SCTR: variants seen among roughly 807,000 people sequenced by gnomAD.
SCTR encodes the protein secretin receptor.
SCTR carries 56 observed loss-of-function variants against 60.8 expected under a neutral mutation model. The ratio of observed to expected loss-of-function variants is 0.92; its 90% CI spans 0.74 to 1.15. SCTR has a LOEUF of 1.15. Among genes scored for constraint, SCTR ranks in the 50% most tolerant of loss-of-function variants. The pLI is 0.00. For synonymous variants in SCTR, 202 were observed against 217.0 expected (o/e 0.93, Z 0.61); for missense variants, 562 against 550.4 (o/e 1.02, Z -0.21).
chr2:119,502,751 A>G (rs1012685275), intron 1 of SCTR, among the ~76,000 whole-genome samples: 6 of 151,600 alleles, frequency 4.0e-5, no homozygotes, highest in African/African-American at 9.7e-5. Context: ...CAGTGCTTAG[A>G]GAGGCTGAGG....
intron 2 of SCTR, among the ~76,000 whole-genome samples, chr2:119,490,470 G>A (rs1037570771): frequency 5.9e-5 from 9 of 152,298 alleles, no homozygotes; most frequent in South Asian, 2.1e-4. Context: ...CCGCCTATGC[G>A]GAGGTTTATC....
intron 6 of SCTR, among the ~76,000 whole-genome samples, chr2:119,462,478 A>C (rs559592262): frequency 5.9e-5 from 9 of 152,360 alleles, no homozygotes; most frequent in African/African-American, 1.9e-4. Context: ...GGTACCACTG[A>C]TTATGGTAAA....
At chr2:119,489,561 G>C (rs1678035065) in intron 2 of SCTR, among the ~76,000 whole-genome samples, 1 of 152,218 alleles carries the variant, frequency 6.6e-6, no homozygotes, top group African/African-American at 2.4e-5. Context: ...CGAGACGAGA[G>C]AGAAACAGTA....
chr2:119,514,906 A>G (rs1679064940), intron 1 of SCTR, among the ~76,000 whole-genome samples: 2 of 152,150 alleles, frequency 1.3e-5, no homozygotes, highest in South Asian at 4.2e-4. Flanking sequence ...AATAAGGTAA[A>G]GAGACTCAAC....
intron 1 of SCTR, among the ~76,000 whole-genome samples, chr2:119,505,871 A>G (rs775557245): frequency 3.9e-5 from 6 of 152,200 alleles, no homozygotes; most frequent in Non-Finnish European, 7.3e-5. Context: ...AAAAACAGAG[A>G]AAAAAAGATA....
intron 6 of SCTR, among the ~76,000 whole-genome samples, chr2:119,463,122 G>A (rs1289413360): frequency 6.6e-6 from 1 of 152,152 alleles, no homozygotes. Flanking sequence ...GTGGTAGGAA[G>A]TGGCAGGCAG....
intron 2 of SCTR, among the ~76,000 whole-genome samples, chr2:119,481,520 C>T (rs910258956): frequency 1.3e-5 from 2 of 152,208 alleles, no homozygotes; most frequent in Non-Finnish European, 2.9e-5. Flanking sequence ...AGAATTTCCA[C>T]TCTGAGTCTC....
At chr2:119,462,243 G>T (rs548007183) in intron 6 of SCTR, among the ~76,000 whole-genome samples, 14 of 152,176 alleles carry the variant, frequency 9.2e-5, no homozygotes, top group Non-Finnish European at 1.9e-4. Flanking sequence ...CATCATAGGA[G>T]CAGGAACTAG....
In SCTR at chr2:119,441,572, A is replaced by G. The variant is rs369211519; in HGVS notation, c.1168T>C (p.Phe390Leu). Residue 390 changes from phenylalanine (F) to leucine (L), a missense_variant, in exon 12 of 13, where the codon TTC (phenylalanine) becomes CTC (leucine). Phe to Leu is a conservative substitution (Grantham distance 22, BLOSUM62 0). Coordinates refer to ENST00000019103, the MANE Select transcript of SCTR (RefSeq NM_002980.3). Reference protein sequence around the residue: ...QGLVVAVLYCFLNGEVQLEVQ... With the variant: ...QGLVVAVLYCLLNGEVQLEVQ... Reference sequence around the variant, plus strand: ...AGACTACTCACCTCCCCATTGAGGAAGCAGTAGAGGACGGCCACCACCAGT... The same window carrying G: ...AGACTACTCACCTCCCCATTGAGGAGGCAGTAGAGGACGGCCACCACCAGT... 1 of 1,612,942 alleles carries G rather than the reference A, an allele frequency of 6.2e-7. No individual in the cohort carries two copies. Among genetic ancestry groups the G allele is most frequent in the Non-Finnish European group, 8.5e-7 (1 of 1,179,324 alleles).
intron 1 of SCTR, among the ~76,000 whole-genome samples, chr2:119,496,357 G>A (rs554005893): frequency 4.3e-4 from 66 of 152,204 alleles, no homozygotes; most frequent in African/African-American, 1.5e-3. Context: ...ATACCCTTTG[G>A]CCAACTAACT....
intron 1 of SCTR, among the ~76,000 whole-genome samples, chr2:119,506,823 G>A (rs1234923325): frequency 6.6e-6 from 1 of 152,144 alleles, no homozygotes; most frequent in Admixed American, 6.6e-5. Context: ...GAGAAGAGAT[G>A]CGTGTTGTCA....
chr2:119,473,794 C>T (rs1452761520), intron 3 of SCTR, among the ~76,000 whole-genome samples: 1 of 152,202 alleles, frequency 6.6e-6, no homozygotes, highest in African/African-American at 2.4e-5. Context: ...GCCAGTCCCC[C>T]TTCTCACCCC....
At chr2:119,505,035 T>C (rs1484877211) in intron 1 of SCTR, among the ~76,000 whole-genome samples, 1 of 151,940 alleles carries the variant, frequency 6.6e-6, no homozygotes, top group Non-Finnish European at 1.5e-5. Context: ...AAACAACAGG[T>C]GCTAGAGAGG....
intron 2 of SCTR, among the ~76,000 whole-genome samples, chr2:119,487,515 C>T (rs1677922864): frequency 6.6e-6 from 1 of 152,000 alleles, no homozygotes; most frequent in Admixed American, 6.6e-5. Context: ...AGGACACATG[C>T]CCAGGTCTGT....
In SCTR at chr2:119,478,863, C is replaced by G; in HGVS notation, c.249G>C (p.Arg83=). The part of the protein sequence containing the change: ...ISCWPSSVPG[R]MVEVECPRFL... ...ATCTCGGGCATTCCACCTCCACCATCCGGCCCGGCACAGAAGAGGGCCAGC... is the reference window on the plus strand; with the variant it reads ...ATCTCGGGCATTCCACCTCCACCATGCGGCCCGGCACAGAAGAGGGCCAGC... The change falls in exon 3 of 13, where the codon CGG becomes CGC. Residue 83 remains arginine, a synonymous_variant. Coordinates refer to ENST00000019103, the MANE Select transcript of SCTR (RefSeq NM_002980.3). The G allele has an allele frequency of 6.2e-7, 1 of 1,614,202 alleles. No homozygotes were observed. The highest frequency in any genetic ancestry group is 1.1e-5 in the South Asian group (1 of 91,078).
chr2:119,453,182 T>C lies in SCTR; in HGVS notation c.851+105A>G. 4 of 865,036 alleles carry C rather than the reference T, an allele frequency of 4.6e-6. No homozygotes were observed. The South Asian group carries it at 5.8e-5, about 13-fold the overall frequency. The allele number at this position is 865,036 out of a possible 1,614,324, so 53.6% of individuals were successfully genotyped here. ...AGGGAACTCATCTGTGGCCTCTACT[T>C]TGAGAAAAAGGCCTTTCCTAGATAG... On this transcript the variant is annotated intron_variant, in intron 8 of 12. Transcript: ENST00000019103.
chr2:119,496,570 G>T (rs185858424), intron 1 of SCTR, among the ~76,000 whole-genome samples: 1 of 152,210 alleles, frequency 6.6e-6, no homozygotes, highest in African/African-American at 2.4e-5. Flanking sequence ...ACTCTGAAAA[G>T]TGGAAGAAGA....
intron 8 of SCTR, 21 bp downstream of exon 8, chr2:119,453,266 A>G (rs1170469044): frequency 6.4e-7 from 1 of 1,565,262 alleles, no homozygotes; most frequent in Admixed American, 1.7e-5. Flanking sequence ...CATTCTTGTT[A>G]TCCTCCTTCC....
rs1001693455 is a variant in SCTR at position 119,472,863 on chromosome 2, C to G, written c.405+590G>C. Among the ~76,000 whole-genome samples the G allele has an allele frequency of 7.2e-5, 11 of 152,182 alleles. 1 individual carries two copies. The South Asian group carries it at 1.2e-3, about 17-fold the overall frequency. ...TTCACTATGTTGCCCTGGCCTCAGG[C>G]AATCCTCCCACCTCATCCTCCCAAA... On this transcript the variant is annotated intron_variant, in intron 4 of 12. Coordinates refer to ENST00000019103, the MANE Select transcript of SCTR (RefSeq NM_002980.3).
Sources: allele counts gnomAD v4.1 joint callset (sites outside exome capture counted in the v4.1 genomes callset), GRCh38; gene constraint gnomAD v4.1.1; transcripts MANE v1.5; gene names NCBI Gene and HGNC (gene_info 2026-07-23, HGNC 2026-07-21).